Variants in PFN2 observed in about 807,000 individuals in gnomAD.
PFN2 encodes profilin 2, also known as profilin-2.
Under a neutral mutation model 15.3 loss-of-function variants are expected in PFN2, and 8 were observed. The observed-to-expected ratio is 0.52, with a 90% CI of 0.31 to 0.95. The LOEUF (loss-of-function observed/expected upper bound fraction) is 0.95, where lower values mean the gene tolerates loss of function less well. Among genes scored for constraint, PFN2 ranks in the 40% least tolerant of loss-of-function variants. The pLI, the probability that PFN2 is intolerant of heterozygous loss-of-function variation, is 0.05. For missense variants in PFN2, 111 were observed against 182.3 expected (o/e 0.61, Z 2.25); for synonymous variants, 79 against 67.9 (o/e 1.16, Z -0.81).
Position 149,968,539 on chromosome 3 carries a change from T to A in PFN2, c.144A>T (p.Ile48=), listed in dbSNP as rs762118330. 6.2e-7 allele frequency: 1 copy of A among 1,603,346 alleles called. No homozygotes were observed. The highest frequency in any genetic ancestry group is 2.2e-5 in the East Asian group (1 of 44,480). Residue 48 remains isoleucine (I), a synonymous_variant, in exon 2 of 3, where the codon ATA becomes ATT. Transcript: ENST00000239940. ...GVFQSITPIE[I]DMIVGKDREG... ...CCCGGTCTTTTCCTACAATCATATC[T>A]ATTTCTATTGGCTGCCCCCCACCAA...
rs553419251 is a variant in PFN2 at position 149,964,948 on chromosome 3, T to C, written c.*1541A>G. ...TTTCATCTGTCTGTAAACAAGGTGT[T>C]TAATAGTTATGGCATTTTTTTAAAT... On this transcript the variant is annotated 3_prime_UTR_variant, in exon 3 of 3. Coordinates refer to ENST00000239940, the MANE Select transcript of PFN2 (RefSeq NM_053024.4). The C allele has an allele frequency of 2.6e-6, 1 of 380,188 alleles. No individual in the cohort carries two copies. Among genetic ancestry groups the C allele is most frequent in the Admixed American group, 4.2e-5 (1 of 23,794 alleles). The allele number at this position is 380,188 out of a possible 1,614,324, so 23.6% of individuals were successfully genotyped here. A position where few individuals can be genotyped will look rare whatever the true frequency, so the allele number is the denominator to read the frequency against.
At chr3:149,969,630 G>A (rs1722790914) in intron 1 of PFN2, among the ~76,000 whole-genome samples, 1 of 152,168 alleles carries the variant, frequency 6.6e-6, no homozygotes, top group African/African-American at 2.4e-5. Flanking sequence ...CCTTAATAGG[G>A]GACCTGAATT....
At chr3:149,970,581 C>G (rs1466815321) in intron 1 of PFN2, 144 bp downstream of exon 1, 2 of 803,902 alleles carry the variant, frequency 2.5e-6, no homozygotes, top group Non-Finnish European at 3.3e-6. Flanking sequence ...CCCCGCCCGC[C>G]CGGCAGCCGC....
Position 149,966,505 on chromosome 3 carries a change from C to G in PFN2, c.407G>C (p.Arg136Thr). 1 of 1,613,160 alleles carries G rather than the reference C, an allele frequency of 6.2e-7. No individual in the cohort carries two copies. The highest frequency in any genetic ancestry group is 1.3e-5 in the African/African-American group (1 of 75,006). The stretch of plus-strand genomic sequence containing the variant: ...GCCTAGCAGCTAGAACCCAGAGTCT[C>G]TCAAGTATTTTGCCATTGAGTATGC... Reference protein sequence around the residue: ...KKAYSMAKYLRDSGF With the variant: ...KKAYSMAKYLTDSGF Residue 136 changes from arginine (R) to threonine (T), a missense_variant, in exon 3 of 3, where the codon AGA (arginine) becomes ACA (threonine). This residue lies in a region of PFN2 where 47 missense variants were observed against 112.7 expected (regional missense o/e 0.42). Coordinates refer to ENST00000239940, the MANE Select transcript of PFN2 (RefSeq NM_053024.4).
At position 149,965,419 on chromosome 3, in the gene PFN2, A is replaced by G; in HGVS notation, c.*1070T>C. The G allele has an allele frequency of 6.9e-7, 1 of 1,446,798 alleles. No homozygotes were observed. 89.6% of individuals were successfully genotyped at this position (1,446,798 alleles called of 1,614,324 possible). A position where few individuals can be genotyped will look rare whatever the true frequency, so the allele number is the denominator to read the frequency against. The stretch of plus-strand genomic sequence containing the variant: ...GCTGGTGTGCAAAGAAAAAGGAAGA[A>G]AAATCTGAGCTATTGCAATGATGGA... On this transcript the variant is annotated 3_prime_UTR_variant, in exon 3 of 3. Coordinates refer to ENST00000239940, the MANE Select transcript of PFN2 (RefSeq NM_053024.4).
In PFN2 at chr3:149,966,091, C is replaced by T. The variant is rs536478714; in HGVS notation, c.*398G>A. Reference sequence around the variant, plus strand: ...TAGGTAAAGAAAAATTAGCTACCATCTACAGTTTGGTAGCATTGTGACCAT... The same window carrying T: ...TAGGTAAAGAAAAATTAGCTACCATTTACAGTTTGGTAGCATTGTGACCAT... On this transcript the variant is annotated 3_prime_UTR_variant, in exon 3 of 3. Transcript: ENST00000239940. 1.3e-6 allele frequency: 2 copies of T among 1,550,386 alleles called. No individual in the cohort carries two copies. Among genetic ancestry groups the T allele is most frequent in the African/African-American group, 2.8e-5 (2 of 72,632 alleles).
chr3:149,966,099 T>C lies in PFN2; in HGVS notation c.*390A>G, dbSNP rs1455689033. 2 of 1,561,632 alleles carry C rather than the reference T, an allele frequency of 1.3e-6. No homozygotes were observed. The highest frequency in any genetic ancestry group is 8.6e-7 in the Non-Finnish European group (1 of 1,157,542). Reference sequence around the variant, plus strand: ...GAAAAATTAGCTACCATCTACAGTTTGGTAGCATTGTGACCATAATTAGGG... The same window carrying C: ...GAAAAATTAGCTACCATCTACAGTTCGGTAGCATTGTGACCATAATTAGGG... On this transcript the variant is annotated 3_prime_UTR_variant, in exon 3 of 3. Transcript: ENST00000239940.
intron 2 of PFN2, 50 bp from the exon 3 acceptor site, chr3:149,966,636 G>A (rs781141351): frequency 7.2e-7 from 1 of 1,380,098 alleles, no homozygotes; most frequent in South Asian, 1.2e-5. Context: ...AATCAAGAAA[G>A]TCACATAAGT....
Position 149,966,467 on chromosome 3 carries a change from T to C in PFN2, c.*22A>G, listed in dbSNP as rs746521150. On this transcript the variant is annotated 3_prime_UTR_variant, in exon 3 of 3. Transcript: ENST00000239940. ...AAGTTTAAGAGCAATTTTCCCCTAA[T>C]ACTTAACAGTCTGCCTAGCAGCTAG... 5.6e-6 allele frequency: 9 copies of C among 1,608,256 alleles called. No homozygotes were observed. The highest frequency in any genetic ancestry group is 3.3e-5 in the South Asian group (3 of 89,648).
At position 149,966,270 on chromosome 3, in the gene PFN2, G is replaced by C; in HGVS notation, c.*219C>G. 6.2e-7 allele frequency: 1 copy of C among 1,611,754 alleles called. No individual in the cohort carries two copies. ...TCCCATGACTATAACCAATGCTGGA[G>C]TACACAAGGAAACAAAACAAAAGTG... On this transcript the variant is annotated 3_prime_UTR_variant, in exon 3 of 3. Coordinates refer to ENST00000239940, the MANE Select transcript of PFN2 (RefSeq NM_053024.4).
chr3:149,969,721 G>C (rs1183621670), intron 1 of PFN2, among the ~76,000 whole-genome samples: 1 of 152,190 alleles, frequency 6.6e-6, no homozygotes, highest in African/African-American at 2.4e-5. Flanking sequence ...CATAATTTTA[G>C]AAACAGCCTT....
intron 2 of PFN2, 70 bp from the exon 3 acceptor site, chr3:149,966,656 C>T: frequency 1.8e-6 from 2 of 1,134,266 alleles, no homozygotes; most frequent in Non-Finnish European, 2.7e-6. Flanking sequence ...TTTTAGCAGA[C>T]AGAACCCGGA....
At chr3:149,966,821 T>C (rs1393245240) in intron 2 of PFN2, among the ~76,000 whole-genome samples, 1 of 151,960 alleles carries the variant, frequency 6.6e-6, no homozygotes, top group African/African-American at 2.4e-5. Context: ...AAAAGTTCTA[T>C]ACAACTATCT....
intron 1 of PFN2, among the ~76,000 whole-genome samples, chr3:149,969,288 GA>G (rs754101861): frequency 1.3e-5 from 2 of 152,194 alleles, no homozygotes; most frequent in African/African-American, 4.8e-5. Context: ...GATTGGGAAA[GA>G]AACTGAGGTA....
At position 149,966,045 on chromosome 3, in the gene PFN2, A is replaced by G. The variant is rs1468984584; in HGVS notation, c.*444T>C. ...CATACAAATGATCCATTGGGCAAACAGGAATCATGACATTAGAAAATAGGT... is the reference window on the plus strand; with the variant it reads ...CATACAAATGATCCATTGGGCAAACGGGAATCATGACATTAGAAAATAGGT... On this transcript the variant is annotated 3_prime_UTR_variant, in exon 3 of 3. Transcript: ENST00000239940. 1.0e-5 allele frequency: 15 copies of G among 1,506,392 alleles called. No homozygotes were observed. The South Asian group carries it at 1.4e-4, about 14-fold the overall frequency. 93.3% of individuals were successfully genotyped at this position (1,506,392 alleles called of 1,614,324 possible). A position where few individuals can be genotyped will look rare whatever the true frequency, so the allele number is the denominator to read the frequency against.
chr3:149,965,936 C>G lies in PFN2; in HGVS notation c.*553G>C. 1.5e-6 allele frequency: 2 copies of G among 1,320,632 alleles called. No individual in the cohort carries two copies. Among genetic ancestry groups the G allele is most frequent in the Non-Finnish European group, 1.9e-6 (2 of 1,038,364 alleles). The allele number at this position is 1,320,632 out of a possible 1,614,324, so 81.8% of individuals were successfully genotyped here. Reference sequence around the variant, plus strand: ...TGATGCCCAACTTGGCATGCCCCCTCCCCCCAATTTCAAGGTATCATGCAA... The same window carrying G: ...TGATGCCCAACTTGGCATGCCCCCTGCCCCCAATTTCAAGGTATCATGCAA... On this transcript the variant is annotated 3_prime_UTR_variant, in exon 3 of 3. Transcript: ENST00000239940.
intron 1 of PFN2, among the ~76,000 whole-genome samples, chr3:149,969,429 C>T (rs1722784010): frequency 6.6e-6 from 1 of 152,202 alleles, no homozygotes; most frequent in Non-Finnish European, 1.5e-5. Context: ...CCGCAATCTT[C>T]CTAGTCAGAC....
intron 2 of PFN2, 116 bp from the exon 3 acceptor site, chr3:149,966,702 T>C: frequency 1.3e-6 from 1 of 762,048 alleles, no homozygotes; most frequent in East Asian, 2.5e-5. Flanking sequence ...TTCCATGAAC[T>C]GCCAAGCACT....
chr3:149,970,527 G>A (rs922425850), intron 1 of PFN2, 198 bp downstream of exon 1: 13 of 412,898 alleles, frequency 3.1e-5, no homozygotes, highest in South Asian at 2.4e-4. Flanking sequence ...CCCCCAGCCT[G>A]TCAGCGCAGC....
Sources: allele counts gnomAD v4.1 joint callset (sites outside exome capture counted in the v4.1 genomes callset), GRCh38; gene constraint gnomAD v4.1.1; regional missense constraint gnomAD v4.1.1; transcripts MANE v1.5; gene names NCBI Gene and HGNC (gene_info 2026-07-23, HGNC 2026-07-21).